Variants in LRRC56 observed in about 807,000 individuals in gnomAD.
LRRC56 encodes the protein leucine rich repeat containing 56.
A neutral mutation model predicts 47.8 loss-of-function variants in LRRC56; 41 were observed. The ratio of observed to expected loss-of-function variants is 0.86; its 90% confidence interval spans 0.67 to 1.11. The LOEUF is 1.11. Among genes scored for constraint, LRRC56 ranks in the 50% most tolerant of loss-of-function variants. The pLI, the probability that LRRC56 is intolerant of heterozygous loss-of-function variation, is 0.00. For synonymous variants in LRRC56, 387 were observed against 311.2 expected (o/e 1.24, Z -2.56); for missense variants, 759 against 704.2 (o/e 1.08, Z -0.88).
chr11:522,322 G>C, the LRRC56 span, among the ~76,000 whole-genome samples: 1 of 152,090 alleles, frequency 6.6e-6, no homozygotes, highest in East Asian at 1.9e-4. Context: ...CTGGAGTGCA[G>C]TGGCGCGATC....
upstream of LRRC56, chr11:532,557 G>A: frequency 6.4e-7 from 1 of 1,565,208 alleles, no homozygotes; most frequent in Non-Finnish European, 8.6e-7. Flanking sequence ...CTGACCGCAG[G>A]CCAGGAGACC....
chr11:514,895 G>C, the LRRC56 span, among the ~76,000 whole-genome samples: 1 of 152,168 alleles, frequency 6.6e-6, no homozygotes, highest in Non-Finnish European at 1.5e-5. Flanking sequence ...GACGCAGCTA[G>C]ATGGTTTTCT....
chr11:547,164 G>GGAGGTTGCAGTGAGCT (rs1852124847), intron 6 of LRRC56, among the ~76,000 whole-genome samples: 1 of 151,950 alleles, frequency 6.6e-6, no homozygotes, highest in Non-Finnish European at 1.5e-5. Context: ...CCTGGGAGGT[G>GGAGGTTGCAGTGAGCT]GAGGTTGCAG....
the LRRC56 span, among the ~76,000 whole-genome samples, chr11:518,519 G>A: frequency 2.0e-5 from 3 of 151,966 alleles, no homozygotes; most frequent in African/African-American, 7.3e-5. Context: ...GGTAGAGATG[G>A]GGTTTCATTT....
chr11:543,781 C>G (rs1167426856), intron 5 of LRRC56, among the ~76,000 whole-genome samples: 2 of 151,784 alleles, frequency 1.3e-5, no homozygotes, highest in Non-Finnish European at 2.9e-5. Flanking sequence ...CGGAGTCTCG[C>G]TCTGTCACCC....
the LRRC56 span, among the ~76,000 whole-genome samples, chr11:512,634 C>G: frequency 6.6e-6 from 1 of 152,196 alleles, no homozygotes; most frequent in African/African-American, 2.4e-5. Context: ...TTAAAATCAC[C>G]ACTCTTCTAG....
Position 550,023 on chromosome 11 carries a change from G to A in LRRC56, c.423+25G>A, listed in dbSNP as rs1434195591. On this transcript the variant is annotated intron_variant, in intron 7 of 13. Transcript: ENST00000270115. ...GGTGAGTCTGGGCACCCTGGGCTGG[G>A]GAGGCCTGGGCTGGGCCGGGCCCTG... is the stretch of plus-strand genomic sequence containing the variant. The A allele has an allele frequency of 3.1e-6, 5 of 1,611,532 alleles. No homozygotes were observed. The African/African-American group carries it at 6.7e-5, about 22-fold the overall frequency.
At chr11:511,344 G>A in the LRRC56 span, among the ~76,000 whole-genome samples, 85 of 151,622 alleles carry the variant, frequency 5.6e-4, no homozygotes, top group Middle Eastern at 3.4e-3. Context: ...AAAAGAAATG[G>A]GAAAACATTG....
At chr11:533,492 G>A (rs1471385417), upstream of LRRC56, 4 of 1,613,512 alleles carry the variant, frequency 2.5e-6, no homozygotes, top group Admixed American at 1.7e-5. Context: ...AGGGGATGCC[G>A]TAGCTTCGGG....
At chr11:540,445 G>A (rs1430305912) in intron 3 of LRRC56, among the ~76,000 whole-genome samples, 4 of 152,092 alleles carry the variant, frequency 2.6e-5, no homozygotes, top group Non-Finnish European at 4.4e-5. Context: ...AGGGGGTCGA[G>A]CCAAGGCTGG....
the LRRC56 span, among the ~76,000 whole-genome samples, chr11:518,952 C>A: frequency 8.7e-3 from 1,325 of 152,040 alleles, 21 homozygotes; most frequent in African/African-American, 0.03. Flanking sequence ...GCCCCCAAAC[C>A]GAGGGGAACT....
rs556902204 is a variant in LRRC56, at chr11:553,849, C to T, written c.1316-114C>T. ...CAGGGGTGCTGCTGCCTGTGGACCC[C>T]CAAGGACCACTGCCTCGGGGCTGCA... On this transcript the variant is annotated intron_variant, in intron 13 of 13. Coordinates refer to ENST00000270115, the MANE Select transcript of LRRC56 (RefSeq NM_198075.4). The T allele has an allele frequency of 1.7e-3, 1,494 of 889,072 alleles. 2 individuals carry two copies. The highest frequency in any genetic ancestry group is 2.4e-3 in the Non-Finnish European group (1,343 of 569,054). 55.1% of individuals were successfully genotyped at this position (889,072 alleles called of 1,614,324 possible).
intron 12 of LRRC56, 33 bp downstream of exon 12, chr11:552,265 G>T: frequency 6.3e-7 from 1 of 1,583,288 alleles, no homozygotes; most frequent in African/African-American, 1.3e-5. Context: ...CACTGGGTGT[G>T]TCCTGTCCCG....
chr11:511,320 CA>C, the LRRC56 span, among the ~76,000 whole-genome samples: 2,126 of 78,458 alleles, frequency 0.027, 42 homozygotes, highest in African/African-American at 0.092. Flanking sequence ...GACTCCGTCT[CA>C]AAAAAAAAAA....
upstream of LRRC56, among the ~76,000 whole-genome samples, chr11:532,908 C>T (rs1422282631): frequency 6.6e-6 from 1 of 152,206 alleles, no homozygotes; most frequent in Non-Finnish European, 1.5e-5. Flanking sequence ...GGAAGCTGGA[C>T]TCTGGCCATC....
At chr11:523,899 G>A in the LRRC56 span, among the ~76,000 whole-genome samples, 26 of 152,186 alleles carry the variant, frequency 1.7e-4, no homozygotes, top group Admixed American at 1.4e-3. Context: ...CTGCACTCCA[G>A]CCTGCGTGAC....
the LRRC56 span, among the ~76,000 whole-genome samples, chr11:525,114 C>T: frequency 7.1e-6 from 1 of 141,584 alleles, no homozygotes; most frequent in African/African-American, 2.7e-5. Context: ...AAAAAATAGA[C>T]AACTTGGGGC....
At position 551,164 on chromosome 11, in the gene LRRC56, A is replaced by C. The variant is rs1341264885; in HGVS notation, c.658A>C (p.Arg220=). Residue 220 remains arginine (R), a synonymous_variant, in exon 9 of 14, where the codon AGG becomes CGG. Coordinates refer to ENST00000270115, the MANE Select transcript of LRRC56 (RefSeq NM_198075.4). ...GGGCTACAACTACAGGGCAGAGGTG[A>C]GGAAGCTCATTCCCCAGCTGCAGGT... is the stretch of plus-strand genomic sequence containing the variant. ...PRGYNYRAEV[R]KLIPQLQVLD... is the part of the protein sequence containing the mutation. The C allele has an allele frequency of 1.3e-6, 2 of 1,502,868 alleles. No homozygotes were observed. Among genetic ancestry groups the C allele is most frequent in the Non-Finnish European group, 1.8e-6 (2 of 1,119,022 alleles). The allele number at this position is 1,502,868 out of a possible 1,614,324, so 93.1% of individuals were successfully genotyped here.
the LRRC56 span, among the ~76,000 whole-genome samples, chr11:518,860 G>A: frequency 1.3e-5 from 2 of 151,774 alleles, no homozygotes; most frequent in African/African-American, 2.4e-5. Context: ...GAGCGAGGCC[G>A]GGACTCGGGC....
Sources: gnomAD v4.1 joint callset for allele counts (sites outside exome capture counted in the v4.1 genomes callset) on GRCh38, gnomAD v4.1.1 for gene constraint, MANE v1.5 for transcripts, NCBI Gene and HGNC (gene_info 2026-07-23, HGNC 2026-07-21) for gene names.